The following ISM1 variants were observed in gnomAD, a reference collection of about 807,000 sequenced individuals.
ISM1 encodes isthmin 1.
A neutral mutation model predicts 46.3 loss-of-function variants in ISM1; 25 were observed. That is an observed-to-expected ratio of 0.54 (90% confidence interval 0.39 to 0.75). The LOEUF is 0.75. Among genes scored for constraint, ISM1 ranks in the 30% least tolerant of loss-of-function variants. The pLI, the probability that ISM1 is intolerant of heterozygous loss-of-function variation, is 0.00. For synonymous variants in ISM1, 255 were observed against 256.7 expected, an observed-to-expected ratio of 0.99 and a Z score of 0.06; for missense variants, 536 against 625.4, an observed-to-expected ratio of 0.86 and a Z score of 1.52.
At chr20:13,321,935 C>A in the ISM1 span, among the ~76,000 whole-genome samples, 9 of 152,220 alleles carry the variant, frequency 5.9e-5, no homozygotes, top group Middle Eastern at 3.4e-3. Context: ...CTTCTCCATG[C>A]CTTCGTTTCT....
rs1283525883 is a variant in ISM1, at chr20:13,288,655, G to C, written c.759G>C (p.Ser253=). Residue 253 remains serine, a synonymous_variant, in exon 4 of 6, where the codon TCG becomes TCC. Transcript: ENST00000262487. The part of the protein sequence containing the change: ...SCGYACTATE[S]RTCDRPNCPG... ...GCTACGCGTGCACTGCAACAGAATC[G>C]AGGACCTGTGACCGTCCAAACTGCC... The C allele has an allele frequency of 6.2e-7, 1 of 1,613,990 alleles. No homozygotes were observed. Among genetic ancestry groups the C allele is most frequent in the Middle Eastern group, 1.6e-4 (1 of 6,062 alleles).
rs190809784 is a variant in ISM1 at position 13,287,670 on chromosome 20, A to T, written c.644-870A>T. Among the ~76,000 whole-genome samples, 19 of 152,314 alleles carry T rather than the reference A, an allele frequency of 1.2e-4. No homozygotes were observed. In the East Asian group the frequency reaches 3.7e-3, roughly 29 times the overall value. On this transcript the variant is annotated intron_variant, in intron 3 of 5. Coordinates refer to ENST00000262487, the MANE Select transcript of ISM1 (RefSeq NM_080826.2). ...CAAGGCAAGGATCTTTGAAAGTTGT[A>T]CTTAATAGTGTATCTCATGTACCAA... is the stretch of plus-strand genomic sequence containing the variant.
chr20:13,306,854 G>A, the ISM1 span, among the ~76,000 whole-genome samples: 1 of 152,130 alleles, frequency 6.6e-6, no homozygotes, highest in South Asian at 2.1e-4. Flanking sequence ...AAAGAACGAG[G>A]TGTCCCATGC....
At chr20:13,228,766 GT>G (rs2039556959) in intron 1 of ISM1, among the ~76,000 whole-genome samples, 1 of 152,056 alleles carries the variant, frequency 6.6e-6, no homozygotes, top group Non-Finnish European at 1.5e-5. Flanking sequence ...TGGAACTCCT[GT>G]TAGAGATTGA....
At chr20:13,222,022 C>A (rs2123111399) in intron 1 of ISM1, 108 bp downstream of exon 1, 1 of 1,056,502 alleles carries the variant, frequency 9.5e-7, no homozygotes, top group South Asian at 3.2e-5. Flanking sequence ...CCCTGCCCCA[C>A]CTAAGAGCAA....
At chr20:13,260,525 G>T (rs1191315397) in intron 1 of ISM1, among the ~76,000 whole-genome samples, 1 of 152,158 alleles carries the variant, frequency 6.6e-6, no homozygotes, top group Non-Finnish European at 1.5e-5. Context: ...TACATTTCAT[G>T]CATTTGTGAA....
At chr20:13,247,554 GTGTGTA>G (rs934277954) in intron 1 of ISM1, among the ~76,000 whole-genome samples, 2 of 147,650 alleles carry the variant, frequency 1.4e-5, no homozygotes, top group African/African-American at 2.5e-5. Flanking sequence ...GTGTGTGTGT[GTGTGTA>G]GGTAGGTAGG....
chr20:13,313,485 C>A, the ISM1 span, among the ~76,000 whole-genome samples: 2 of 152,196 alleles, frequency 1.3e-5, no homozygotes, highest in Non-Finnish European at 2.9e-5. Context: ...CACCTCACTT[C>A]CATTTTCTGT....
At chr20:13,245,206 GA>G (rs2039779143) in intron 1 of ISM1, 1 of 152,146 alleles carries the variant, frequency 6.6e-6, no homozygotes. Flanking sequence ...TATTATCTCA[GA>G]ACTTCCATGG....
At chr20:13,265,428 G>A (rs1023310975) in intron 1 of ISM1, among the ~76,000 whole-genome samples, 4 of 152,146 alleles carry the variant, frequency 2.6e-5, no homozygotes, top group African/African-American at 9.7e-5. Context: ...GATAGATTCA[G>A]TGTACATCAG....
rs140102568 is a variant in ISM1 at position 13,261,481 on chromosome 20, C to T, written c.139-9023C>T. ...AGAGTGTGGAAGCAACTACCTGAGG[C>T]GTGGATCTTTAGAGAAAAGAAGAAT... On this transcript the variant is annotated intron_variant, in intron 1 of 5. Transcript: ENST00000262487. 2.6e-3 allele frequency among the ~76,000 whole-genome samples: 389 copies of T among 151,732 alleles called. 5 individuals carry two copies. The highest frequency in any genetic ancestry group is 8.8e-3 in the African/African-American group (366 of 41,374).
At chr20:13,298,900 G>C (rs1019324333) in intron 5 of ISM1, 42 bp from the exon 6 acceptor site, 1 of 1,596,862 alleles carries the variant, frequency 6.3e-7, no homozygotes, top group Non-Finnish European at 8.5e-7. Flanking sequence ...CTGTGGGCCG[G>C]TTGTACACGC....
Position 13,270,755 on chromosome 20 carries a change from C to T in ISM1, c.378+12C>T, listed in dbSNP as rs2040104968. The T allele has an allele frequency of 1.9e-6, 3 of 1,611,154 alleles. No homozygotes were observed. In the East Asian group the frequency reaches 6.7e-5, roughly 36 times the overall value. On this transcript the variant is annotated intron_variant, in intron 2 of 5. Coordinates refer to ENST00000262487, the MANE Select transcript of ISM1 (RefSeq NM_080826.2). ...ATCCAAATATCCAGGTAATTCTTGG[C>T]ACCTGGAAGATGGGAGATAACAAAA... is the stretch of plus-strand genomic sequence containing the variant.
At position 13,221,356 on chromosome 20, in the gene ISM1, G is replaced by T. The variant is rs1395824292; in HGVS notation, c.-421G>T. The stretch of plus-strand genomic sequence containing the variant: ...GGCCACATCTGGGGCGCCCATGTGC[G>T]CTCGGGGGCTCGGCTGCGCCCGCCC... On this transcript the variant is annotated 5_prime_UTR_variant, in exon 1 of 6. Transcript: ENST00000262487. 1.4e-5 allele frequency among the ~76,000 whole-genome samples: 2 copies of T among 147,882 alleles called. No individual in the cohort carries two copies. The highest frequency in any genetic ancestry group is 2.1e-4 in the South Asian group (1 of 4,752).
chr20:13,229,902 A>G (rs371023713), intron 1 of ISM1, among the ~76,000 whole-genome samples: 1 of 151,890 alleles, frequency 6.6e-6, no homozygotes, highest in African/African-American at 2.4e-5. Flanking sequence ...TATTTCTTCT[A>G]CCTCCTCCAT....
downstream of ISM1, among the ~76,000 whole-genome samples, chr20:13,304,865 C>T (rs1391121471): frequency 6.6e-6 from 1 of 152,150 alleles, no homozygotes; most frequent in East Asian, 1.9e-4. Flanking sequence ...TCCTTGCCTT[C>T]CCCATCTCTC....
downstream of ISM1, among the ~76,000 whole-genome samples, chr20:13,302,195 A>G (rs980143895): frequency 1.3e-5 from 2 of 152,214 alleles, no homozygotes; most frequent in Non-Finnish European, 1.5e-5. Context: ...AATGTGAGCC[A>G]TGCTGTCCAT....
intron 2 of ISM1, among the ~76,000 whole-genome samples, chr20:13,274,639 G>A (rs902000282): frequency 2.6e-5 from 4 of 152,276 alleles, no homozygotes; most frequent in Admixed American, 1.3e-4. Context: ...GCCCATGCAA[G>A]AGTCCACGTC....
At chr20:13,266,282 G>C (rs904888515) in intron 1 of ISM1, among the ~76,000 whole-genome samples, 1 of 152,200 alleles carries the variant, frequency 6.6e-6, no homozygotes, top group East Asian at 1.9e-4. Context: ...ATGCTAGGCT[G>C]TAAGAAGAGG....
Sources: gnomAD v4.1 joint callset for allele counts (sites outside exome capture counted in the v4.1 genomes callset) on GRCh38, gnomAD v4.1.1 for gene constraint, MANE v1.5 for transcripts, NCBI Gene and HGNC (gene_info 2026-07-23, HGNC 2026-07-21) for gene names.